Variants in ASIC5 observed in about 807,000 individuals in gnomAD.
ASIC5 encodes acid sensing ion channel subunit family member 5.
ASIC5 carries 52 observed loss-of-function variants against 51.2 expected under a neutral mutation model. The ratio of observed to expected loss-of-function variants is 1.02; its 90% confidence interval spans 0.81 to 1.28. ASIC5 has a LOEUF of 1.28. Ranked by LOEUF, ASIC5 falls within the 50% of genes most tolerant of loss-of-function variation. ASIC5 has a pLI of 0.00. For missense variants in ASIC5, 635 were observed against 595.0 expected (o/e 1.07, Z -0.70); for synonymous variants, 231 against 200.7 (o/e 1.15, Z -1.28).
chr4:155,863,609 C>T lies in ASIC5; in HGVS notation c.186G>A (p.Arg62=). Residue 62 remains arginine, a synonymous_variant, in exon 2 of 10, where the codon AGG becomes AGA. Transcript: ENST00000537611. The part of the protein sequence containing the change: ...NIVQNRSKIR[R]VLWLVVVLGS... ...CCAGAACCACCACCAACCAGAGCAC[C>T]CTGCGAATTTTGCTCCGGTTCTGAA... 1.2e-6 allele frequency: 2 copies of T among 1,613,696 alleles called. No homozygotes were observed. Among genetic ancestry groups the T allele is most frequent in the Non-Finnish European group, 1.7e-6 (2 of 1,179,910 alleles).
Position 155,843,691 on chromosome 4 carries a change from C to T in ASIC5, c.851G>A (p.Arg284His), listed in dbSNP as rs752632438. The T allele has an allele frequency of 1.7e-5, 28 of 1,613,180 alleles. No individual in the cohort carries two copies. The highest frequency in any genetic ancestry group is 4.5e-5 in the East Asian group (2 of 44,862). The change falls in exon 5 of 10, where the codon CGC becomes CAC. Residue 284 changes from arginine (R) to histidine (H), a missense_variant. Coordinates refer to ENST00000537611, the MANE Select transcript of ASIC5 (RefSeq NM_017419.3). ...GACTCGAGTATTTACCTTCACTTGG[C>T]GGATGGTTACCCTTGCGTGCATTCC... ...PVGMHARVTIRQVKTVHQEYP... is the reference protein window; with the variant it reads ...PVGMHARVTIHQVKTVHQEYP...
intron 4 of ASIC5, among the ~76,000 whole-genome samples, chr4:155,847,719 C>T (rs1241857874): frequency 6.6e-6 from 1 of 151,524 alleles, no homozygotes; most frequent in Non-Finnish European, 1.5e-5. Flanking sequence ...GAGACTCTGT[C>T]TCAGTAAAAA....
At chr4:155,850,095 G>C (rs897143093) in intron 4 of ASIC5, among the ~76,000 whole-genome samples, 1 of 151,292 alleles carries the variant, frequency 6.6e-6, no homozygotes, top group Non-Finnish European at 1.5e-5. Flanking sequence ...CTCCTAAAAT[G>C]CTTTCTCCTA....
In ASIC5 at chr4:155,839,584, C is replaced by T. The variant is rs540653758; in HGVS notation, c.1010-715G>A. 4.8e-4 allele frequency among the ~76,000 whole-genome samples: 73 copies of T among 152,218 alleles called. 4 individuals are homozygous for T. In the South Asian group the frequency reaches 0.015, roughly 30 times the overall value. ...TTGTCTATTGCTATAGCCCATGTGA[C>T]TCAGCAGTTAGCCACAATGTTTAGT... On this transcript the variant is annotated intron_variant, in intron 6 of 9. Transcript: ENST00000537611.
At chr4:155,841,254 A>G (rs770777760) in intron 6 of ASIC5, among the ~76,000 whole-genome samples, 13 of 152,192 alleles carry the variant, frequency 8.5e-5, no homozygotes, top group Non-Finnish European at 1.5e-4. Flanking sequence ...GTGTTACAAT[A>G]TATCTTTCTA....
Position 155,863,508 on chromosome 4 carries a change from A to G in ASIC5, c.287T>C (p.Ile96Thr), listed in dbSNP as rs147879225. 2.8e-4 allele frequency: 444 copies of G among 1,613,776 alleles called. 1 individual carries two copies. In the African/African-American group the frequency reaches 4.5e-3, roughly 16 times the overall value. The stretch of plus-strand genomic sequence containing the variant: ...CATCTTTTCCACATATTGAACCTCA[A>G]TGGACGTTGTGGTTGGCCATGTGAA... ...NYFTWPTTTS[I>T]EVQYVEKMEF... The change falls in exon 2 of 10, where the codon ATT becomes ACT. Residue 96 changes from isoleucine (I) to threonine (T), a missense_variant. Physicochemically the swap from Ile to Thr is moderately conservative, Grantham distance 89. Transcript: ENST00000537611.
At chr4:155,832,010 G>C (rs909645127) in intron 8 of ASIC5, 95 bp from the exon 9 acceptor site, 1 of 629,682 alleles carries the variant, frequency 1.6e-6, no homozygotes, top group Non-Finnish European at 2.8e-6. Flanking sequence ...TGTTTTATAT[G>C]CTATTTAATG....
At chr4:155,848,308 T>G (rs958960914) in intron 4 of ASIC5, among the ~76,000 whole-genome samples, 9 of 152,084 alleles carry the variant, frequency 5.9e-5, no homozygotes, top group African/African-American at 2.2e-4. Context: ...TGTCTTTTTC[T>G]GACCTAATTA....
rs149801727 is a variant in ASIC5 at position 155,831,055 on chromosome 4, G to A, written c.1327+769C>T. 4.7e-3 allele frequency among the ~76,000 whole-genome samples: 711 copies of A among 152,230 alleles called. 5 individuals are homozygous for A. Among genetic ancestry groups the A allele is most frequent in the Non-Finnish European group, 7.4e-3 (500 of 68,012 alleles). On this transcript the variant is annotated intron_variant, in intron 9 of 9. Transcript: ENST00000537611. ...TCCGACACAGCTTCCTCTAAGATGCGGTGAGATCTAGGAAATTAGCCATTA... is the reference window on the plus strand; with the variant it reads ...TCCGACACAGCTTCCTCTAAGATGCAGTGAGATCTAGGAAATTAGCCATTA...
At chr4:155,845,800 A>T (rs1394936162) in intron 4 of ASIC5, among the ~76,000 whole-genome samples, 4 of 152,096 alleles carry the variant, frequency 2.6e-5, no homozygotes, top group African/African-American at 9.7e-5. Flanking sequence ...TCTGTACCTT[A>T]TGATATAAAG....
intron 8 of ASIC5, among the ~76,000 whole-genome samples, chr4:155,833,009 G>A (rs952232274): frequency 6.6e-6 from 1 of 152,080 alleles, no homozygotes; most frequent in African/African-American, 2.4e-5. Flanking sequence ...CTCTCTCACA[G>A]CACTTAATGC....
chr4:155,830,119 G>A (rs891770270), intron 9 of ASIC5, 73 bp from the exon 10 acceptor site: 114 of 1,070,830 alleles, frequency 1.1e-4, no homozygotes, highest in Non-Finnish European at 1.3e-4. Context: ...AGTTAAATTA[G>A]TTGAAGCAAA....
Position 155,858,302 on chromosome 4 carries a change from T to C in ASIC5, c.348-3988A>G, listed in dbSNP as rs115904774. Among the ~76,000 whole-genome samples the C allele has an allele frequency of 3.9e-3, 598 of 152,230 alleles. 4 individuals are homozygous for C. Among genetic ancestry groups the C allele is most frequent in the African/African-American group, 0.014 (570 of 41,562 alleles). On this transcript the variant is annotated intron_variant, in intron 2 of 9. Transcript: ENST00000537611. The stretch of plus-strand genomic sequence containing the variant: ...TTAGGAGTTTGTCTTTCTGTTTGTA[T>C]AACCATTGCTTCATGTGAAAGAAAC...
intron 7 of ASIC5, among the ~76,000 whole-genome samples, chr4:155,837,590 G>A (rs1019702634): frequency 2.0e-5 from 3 of 151,998 alleles, no homozygotes; most frequent in Non-Finnish European, 2.9e-5. Context: ...CTTTGTTCTC[G>A]TGAATCAGTT....
chr4:155,862,768 T>G (rs1287254114), intron 2 of ASIC5, among the ~76,000 whole-genome samples: 4 of 152,124 alleles, frequency 2.6e-5, no homozygotes, highest in Admixed American at 2.6e-4. Flanking sequence ...CTCTACTACA[T>G]TAAGTAGCTC....
Position 155,836,675 on chromosome 4 carries a change from G to A in ASIC5, c.1235+14C>T. On this transcript the variant is annotated intron_variant, in intron 8 of 9. Transcript: ENST00000537611. Reference sequence around the variant, plus strand: ...ATGTTAATTATCAATAATTTAAAAGGCTAGTAAGGTTACCTGATGTATTTC... The same window carrying A: ...ATGTTAATTATCAATAATTTAAAAGACTAGTAAGGTTACCTGATGTATTTC... 1.3e-6 allele frequency: 2 copies of A among 1,540,744 alleles called. No homozygotes were observed. Among genetic ancestry groups the A allele is most frequent in the African/African-American group, 1.4e-5 (1 of 72,664 alleles).
chr4:155,865,988 AC>A (rs1741852446), intron 1 of ASIC5, among the ~76,000 whole-genome samples, 198 bp downstream of exon 1: 1 of 152,206 alleles, frequency 6.6e-6, no homozygotes, highest in Non-Finnish European at 1.5e-5. Flanking sequence ...ATATTTTAAA[AC>A]TATTTTTGAG....
At chr4:155,835,393 A>T (rs80068552) in intron 8 of ASIC5, among the ~76,000 whole-genome samples, 8,563 of 145,164 alleles carry the variant, frequency 0.059, 837 homozygotes, top group African/African-American at 0.21. Flanking sequence ...CTCCCGTTTC[A>T]AGAATAATCT....
At chr4:155,835,339 G>A (rs563291308) in intron 8 of ASIC5, among the ~76,000 whole-genome samples, 12 of 150,830 alleles carry the variant, frequency 8.0e-5, no homozygotes, top group Admixed American at 4.6e-4. Context: ...CCGAACAGGC[G>A]AGCAACACCC....
Sources: allele counts gnomAD v4.1 joint callset (sites outside exome capture counted in the v4.1 genomes callset), GRCh38; gene constraint gnomAD v4.1.1; transcripts MANE v1.5; gene names NCBI Gene and HGNC (gene_info 2026-07-23, HGNC 2026-07-21).